Variants in ALS2 observed in about 807,000 individuals in gnomAD.
ALS2 encodes alsin.
Under a neutral mutation model 203.4 loss-of-function variants are expected in ALS2, and 117 were observed. The observed-to-expected ratio is 0.58, with a 90% CI of 0.50 to 0.67. ALS2 has a LOEUF of 0.67. Among genes scored for constraint, ALS2 ranks in the 30% least tolerant of loss-of-function variants. The pLI, the probability that ALS2 is intolerant of heterozygous loss-of-function variation, is 0.00. For synonymous variants in ALS2, 718 were observed against 725.9 expected (o/e 0.99, Z 0.17); for missense variants, 1,715 against 1,989.4 (o/e 0.86, Z 2.62).
intron 13 of ALS2, 52 bp downstream of exon 13, chr2:201,733,224 A>C: frequency 6.3e-7 from 1 of 1,586,544 alleles, no homozygotes; most frequent in Non-Finnish European, 8.6e-7. Context: ...CATACAAACA[A>C]CTATGATCCT....
chr2:201,702,937 G>A (rs1689478857), intron 33 of ALS2, among the ~76,000 whole-genome samples: 1 of 152,174 alleles, frequency 6.6e-6, no homozygotes, highest in African/African-American at 2.4e-5. Context: ...CCAACCTGGT[G>A]AAACCCCATC....
rs144943507 is a variant in ALS2 at position 201,719,863 on chromosome 2, T to C, written c.3703-1653A>G. The C allele has an allele frequency of 3.2e-4, 62 of 191,116 alleles. 2 individuals are homozygous for C. Among genetic ancestry groups the C allele is most frequent in the East Asian group, 2.5e-3 (14 of 5,602 alleles). 11.8% of individuals were successfully genotyped at this position (191,116 alleles called of 1,614,324 possible). A position where few individuals can be genotyped will look rare whatever the true frequency, so the allele number is the denominator to read the frequency against. On this transcript the variant is annotated intron_variant, in intron 23 of 33. Coordinates refer to ENST00000264276, the MANE Select transcript of ALS2 (RefSeq NM_020919.4). Reference sequence around the variant, plus strand: ...CTTTATGCCAACAAAGTAGATAACATAGAGAAATAGAAAAACTCCTAGGAA... The same window carrying C: ...CTTTATGCCAACAAAGTAGATAACACAGAGAAATAGAAAAACTCCTAGGAA...
At chr2:201,741,417 T>C in intron 11 of ALS2, 1 of 413,314 alleles carries the variant, frequency 2.4e-6, no homozygotes, top group South Asian at 2.6e-5. Context: ...ATAGTACATT[T>C]AATGTAAATT....
chr2:201,727,835 C>A, intron 15 of ALS2, 60 bp from the exon 16 acceptor site: 1 of 1,440,934 alleles, frequency 6.9e-7, no homozygotes, highest in Non-Finnish European at 9.6e-7. Flanking sequence ...GGGGACTCTG[C>A]CCATATCCCC....
intron 3 of ALS2, among the ~76,000 whole-genome samples, chr2:201,764,998 T>A (rs550321771): frequency 7.2e-6 from 1 of 139,490 alleles, no homozygotes; most frequent in East Asian, 2.0e-4. Context: ...GTCGAATAAC[T>A]TTTTTTTTTT....
chr2:201,777,993 AG>A (rs1694733507), intron 1 of ALS2, among the ~76,000 whole-genome samples: 1 of 152,160 alleles, frequency 6.6e-6, no homozygotes, highest in South Asian at 2.1e-4. Context: ...GCTCTTTTAA[AG>A]AGCTGCTATA....
intron 32 of ALS2, 43 bp from the exon 33 acceptor site, chr2:201,704,261 T>C (rs756739856): frequency 4.5e-6 from 7 of 1,563,432 alleles, no homozygotes; most frequent in Non-Finnish European, 6.2e-6. Context: ...TTCACTTACA[T>C]GTCCATTCTC....
intron 3 of ALS2, 35 bp downstream of exon 3, chr2:201,767,194 G>T: frequency 6.2e-7 from 1 of 1,613,252 alleles, no homozygotes. Context: ...TGTTAGCATT[G>T]CAGTTCGTAT....
rs1691339689 is a variant in ALS2, at chr2:201,728,509, T to C, written c.2841+3A>G. ...TTCTTTTAAGGTTAGGAATCCAGCC[T>C]ACCTGGGCATGGACCAGGGCATCAT... is the stretch of plus-strand genomic sequence containing the variant. On this transcript the variant is annotated splice_donor_region_variant and intron_variant, in intron 15 of 33. Coordinates refer to ENST00000264276, the MANE Select transcript of ALS2 (RefSeq NM_020919.4). 5.0e-6 allele frequency: 8 copies of C among 1,613,926 alleles called. No individual in the cohort carries two copies. Among genetic ancestry groups the C allele is most frequent in the Non-Finnish European group, 6.8e-6 (8 of 1,180,012 alleles).
In ALS2 at chr2:201,738,717, T is replaced by C; in HGVS notation, c.2370A>G (p.Thr790=). ...DSYTEYCTSI[T]NFLVMGGFQL... is the part of the protein sequence containing the mutation. ...GGAATCCTCCCATAACCAGGAAATTTGTAATAGATGTGCAATACCTTGAGC... is the reference window on the plus strand; with the variant it reads ...GGAATCCTCCCATAACCAGGAAATTCGTAATAGATGTGCAATACCTTGAGC... Residue 790 remains threonine, a synonymous_variant, in exon 12 of 34, where the codon ACA becomes ACG. Coordinates refer to ENST00000264276, the MANE Select transcript of ALS2 (RefSeq NM_020919.4). 6.2e-7 allele frequency: 1 copy of C among 1,614,072 alleles called. No individual in the cohort carries two copies. The highest frequency in any genetic ancestry group is 8.5e-7 in the Non-Finnish European group (1 of 1,179,934).
intron 23 of ALS2, among the ~76,000 whole-genome samples, chr2:201,720,769 A>G (rs1690739124): frequency 6.6e-6 from 1 of 152,108 alleles, no homozygotes; most frequent in African/African-American, 2.4e-5. Context: ...TCTCTAAAAT[A>G]GAAAACAATG....
At position 201,744,391 on chromosome 2, in the gene ALS2, G is replaced by GCTAT. The variant is rs2106051107; in HGVS notation, c.2033_2036dup (p.Ser679ArgfsTer2). On this transcript the variant is annotated stop_gained and frameshift_variant, in exon 10 of 34. Coordinates refer to ENST00000264276, the MANE Select transcript of ALS2 (RefSeq NM_020919.4). LOFTEE classifies it high-confidence loss of function. ...TGTTTTTATCCACCAAGGCTAAATA[G>GCTAT]CTATCTTTTCCTGCTGTCACTCTGC... is the stretch of plus-strand genomic sequence containing the variant. The GCTAT allele has an allele frequency of 6.2e-7, 1 of 1,614,054 alleles. No individual in the cohort carries two copies. The highest frequency in any genetic ancestry group is 8.5e-7 in the Non-Finnish European group (1 of 1,179,980).
chr2:201,706,348 C>T (rs1208085), intron 29 of ALS2, among the ~76,000 whole-genome samples: 51 of 150,302 alleles, frequency 3.4e-4, no homozygotes, highest in Middle Eastern at 3.4e-3. Flanking sequence ...ATTGCACCAT[C>T]GCACTCCTGC....
chr2:201,707,589 C>T (rs1689800011), intron 28 of ALS2, among the ~76,000 whole-genome samples: 1 of 151,872 alleles, frequency 6.6e-6, no homozygotes, highest in South Asian at 2.1e-4. Context: ...GCCACCATGC[C>T]CTGCTAATTT....
chr2:201,711,851 C>T (rs545688942), intron 25 of ALS2, among the ~76,000 whole-genome samples: 1 of 32,080 alleles, frequency 3.1e-5, no homozygotes, highest in South Asian at 2.5e-3. Context: ...ATTTTCACTT[C>T]TCAGAAACAC....
At chr2:201,718,827 T>C (rs1690575437) in intron 23 of ALS2, among the ~76,000 whole-genome samples, 1 of 152,124 alleles carries the variant, frequency 6.6e-6, no homozygotes, top group Admixed American at 6.5e-5. Context: ...AGAGGGAAAC[T>C]TTTAGCTGTT....
At chr2:201,775,588 A>T (rs997016157) in intron 1 of ALS2, among the ~76,000 whole-genome samples, 3 of 152,164 alleles carry the variant, frequency 2.0e-5, no homozygotes, top group Non-Finnish European at 4.4e-5. Flanking sequence ...ATATCCTGCC[A>T]CTGAAGCCTT....
intron 2 of ALS2, among the ~76,000 whole-genome samples, chr2:201,767,866 TAAAA>T (rs35608860): frequency 5.4e-5 from 6 of 112,090 alleles, no homozygotes; most frequent in Non-Finnish European, 5.4e-5. Flanking sequence ...AGACTCTGTC[TAAAA>T]AAAAAAAAAA....
At chr2:201,751,871 TTAC>T (rs1385292349) in intron 7 of ALS2, among the ~76,000 whole-genome samples, 1 of 152,132 alleles carries the variant, frequency 6.6e-6, no homozygotes, top group African/African-American at 2.4e-5. Flanking sequence ...CAGTAAACAT[TTAC>T]TACATTTACC....
Sources: allele counts gnomAD v4.1 joint callset (sites outside exome capture counted in the v4.1 genomes callset), GRCh38; gene constraint gnomAD v4.1.1; transcripts MANE v1.5; gene names NCBI Gene and HGNC (gene_info 2026-07-23, HGNC 2026-07-21).